ZSWIM5: variants seen among roughly 807,000 people sequenced by gnomAD.
The protein encoded by ZSWIM5 is zinc finger SWIM domain-containing protein 5.
In ZSWIM5, 55 loss-of-function variants were observed where a neutral mutation model predicts 119.6. That is an observed-to-expected ratio of 0.46 (90% CI 0.37 to 0.58). The LOEUF is 0.58. Among genes scored for constraint, ZSWIM5 ranks in the 20% least tolerant of loss-of-function variants. ZSWIM5 has a pLI of 0.00. For missense variants in ZSWIM5, 1,193 were observed against 1,512.8 expected (o/e 0.79, Z 3.51); for synonymous variants, 537 against 606.9 (o/e 0.88, Z 1.69).
intron 1 of ZSWIM5, among the ~76,000 whole-genome samples, chr1:45,200,269 A>G (rs912043176): frequency 6.6e-6 from 1 of 152,214 alleles, no homozygotes; most frequent in Non-Finnish European, 1.5e-5. Context: ...AATTTAGCGT[A>G]TAATCACATA....
chr1:45,167,457 G>C (rs577466519), intron 1 of ZSWIM5, among the ~76,000 whole-genome samples: 15,874 of 151,360 alleles, frequency 0.1, 934 homozygotes, highest in African/African-American at 0.15. Flanking sequence ...GGCAACAAAA[G>C]CCAAAATTGA....
At chr1:45,199,997 T>G (rs911676642) in intron 1 of ZSWIM5, among the ~76,000 whole-genome samples, 72 of 152,192 alleles carry the variant, frequency 4.7e-4, no homozygotes, top group African/African-American at 1.6e-3. Flanking sequence ...TGTAATGCTT[T>G]AAAAATCAGA....
In ZSWIM5 at chr1:45,088,583, G is replaced by T. The variant is rs1174252756; in HGVS notation, c.596-346C>A. ...AATAAGGAATCCTAAATAAGTTAAG[G>T]ACCCCTGTAGTAGATTTTCAGCTCT... On this transcript the variant is annotated intron_variant, in intron 1 of 13. Coordinates refer to ENST00000359600, the MANE Select transcript of ZSWIM5 (RefSeq NM_020883.2). This position sits in a 1 kb window ranked among gnomAD's most constrained non-coding sequence, Gnocchi z 4.2. Among the ~76,000 whole-genome samples, 1 of 152,056 alleles carries T rather than the reference G, an allele frequency of 6.6e-6. No homozygotes were observed. Among genetic ancestry groups the T allele is most frequent in the Non-Finnish European group, 1.5e-5 (1 of 68,012 alleles).
At position 45,188,733 on chromosome 1, in the gene ZSWIM5, G is replaced by C. The variant is rs1646074027; in HGVS notation, c.595+17023C>G. ...GGCAGCCTAGACGTCAAAACAGAGA[G>C]AAGATAGCCTCCCTAATAAAAACAA... On this transcript the variant is annotated intron_variant, in intron 1 of 13. Transcript: ENST00000359600. 3.3e-5 allele frequency among the ~76,000 whole-genome samples: 5 copies of C among 152,186 alleles called. No homozygotes were observed. In the South Asian group the frequency reaches 1.0e-3, roughly 32 times the overall value.
intron 1 of ZSWIM5, among the ~76,000 whole-genome samples, chr1:45,092,538 A>ACT (rs1645373218): frequency 1.7e-5 from 1 of 57,404 alleles, no homozygotes; most frequent in East Asian, 5.5e-4. Context: ...CTCGTGATCC[A>ACT]CCCCCCCCCC....
At chr1:45,159,577 G>C (rs1645850657) in intron 1 of ZSWIM5, among the ~76,000 whole-genome samples, 1 of 151,994 alleles carries the variant, frequency 6.6e-6, no homozygotes, top group South Asian at 2.1e-4. Context: ...AGAGGTTATT[G>C]AGATATGATT....
At chr1:45,182,138 C>T (rs1195859882) in intron 1 of ZSWIM5, among the ~76,000 whole-genome samples, 8 of 152,078 alleles carry the variant, frequency 5.3e-5, no homozygotes, top group African/African-American at 9.7e-5. Flanking sequence ...CAGACTGGGC[C>T]GGGCGCGGTG....
chr1:45,035,861 G>A lies in ZSWIM5; in HGVS notation c.2156-38C>T, dbSNP rs1219247990. The stretch of plus-strand genomic sequence containing the variant: ...AAGCCAGCCAGTTATTTATCTGTAT[G>A]CTTCCATCTGCCAGCCTGGACTTGA... On this transcript the variant is annotated intron_variant, in intron 9 of 13. Coordinates refer to ENST00000359600, the MANE Select transcript of ZSWIM5 (RefSeq NM_020883.2). 1.9e-6 allele frequency: 3 copies of A among 1,606,524 alleles called. No homozygotes were observed. The African/African-American group carries it at 4.0e-5, about 22-fold the overall frequency.
intron 1 of ZSWIM5, among the ~76,000 whole-genome samples, chr1:45,199,022 T>C (rs1646142287): frequency 6.6e-6 from 1 of 152,212 alleles, no homozygotes; most frequent in Non-Finnish European, 1.5e-5. Flanking sequence ...ATAAAGGACA[T>C]TGTTTTCCAA....
chr1:45,046,120 C>A (rs756152890), intron 5 of ZSWIM5, among the ~76,000 whole-genome samples: 2 of 151,840 alleles, frequency 1.3e-5, no homozygotes, highest in Non-Finnish European at 2.9e-5. Flanking sequence ...GCCATGTAGA[C>A]CATGAGAAAA....
At chr1:45,101,661 A>C (rs1645440382) in intron 1 of ZSWIM5, among the ~76,000 whole-genome samples, 1 of 152,238 alleles carries the variant, frequency 6.6e-6, no homozygotes, top group Non-Finnish European at 1.5e-5. Context: ...TCAGTGATAG[A>C]CTGGATTAAG....
rs548104885 is a variant in ZSWIM5, at chr1:45,052,033, C to T, written c.1253-780G>A. Reference sequence around the variant, plus strand: ...TTTTTTTTTGAGACAAAGTCTCGCTCTTGCCCCCCAAGCTGGAGTGAGATG... The same window carrying T: ...TTTTTTTTTGAGACAAAGTCTCGCTTTTGCCCCCCAAGCTGGAGTGAGATG... On this transcript the variant is annotated intron_variant, in intron 4 of 13. Transcript: ENST00000359600. Among the ~76,000 whole-genome samples, 17 of 144,978 alleles carry T rather than the reference C, an allele frequency of 1.2e-4. No homozygotes were observed. The South Asian group carries it at 1.5e-3, about 13-fold the overall frequency.
intron 1 of ZSWIM5, among the ~76,000 whole-genome samples, chr1:45,140,731 G>GAGATGGATA (rs1270288665): frequency 6.6e-6 from 1 of 152,186 alleles, no homozygotes; most frequent in Non-Finnish European, 1.5e-5. Flanking sequence ...TAAGCTTCTA[G>GAGATGGATA]AGATGGATAA....
chr1:45,152,068 G>A (rs139523450), intron 1 of ZSWIM5, among the ~76,000 whole-genome samples: 70 of 152,316 alleles, frequency 4.6e-4, no homozygotes, highest in African/African-American at 1.6e-3. Context: ...AATGTCTGGG[G>A]AGGTAGGTAA....
intron 5 of ZSWIM5, 71 bp from the exon 6 acceptor site, chr1:45,043,466 G>C (rs757790522): frequency 1.2e-5 from 18 of 1,491,554 alleles, no homozygotes; most frequent in Non-Finnish European, 1.6e-5. Context: ...GTCTTCTTCA[G>C]GGTGGGAGGT....
intron 8 of ZSWIM5, 143 bp from the exon 9 acceptor site, chr1:45,036,442 C>A: frequency 8.3e-7 from 1 of 1,207,080 alleles, no homozygotes; most frequent in East Asian, 2.6e-5. Flanking sequence ...GCAGCCTCCG[C>A]CTCCCCGGTT....
In ZSWIM5 at chr1:45,057,764, G is replaced by A. The variant is rs1645131014; in HGVS notation, c.1252+845C>T. Among the ~76,000 whole-genome samples the A allele has an allele frequency of 6.6e-6, 1 of 152,336 alleles. No homozygotes were observed. The highest frequency in any genetic ancestry group is 6.5e-5 in the Admixed American group (1 of 15,300). On this transcript the variant is annotated intron_variant, in intron 4 of 13. Coordinates refer to ENST00000359600, the MANE Select transcript of ZSWIM5 (RefSeq NM_020883.2). This position sits in a 1 kb window ranked among gnomAD's most constrained non-coding sequence, Gnocchi z 4.7. ...AAAACTGGTCTTAGAGCAAGGGAAT[G>A]CTAAAGAGAAATGATGGCCACAGAG...
At position 45,161,105 on chromosome 1, in the gene ZSWIM5, T is replaced by C. The variant is rs1275272588; in HGVS notation, c.595+44651A>G. Among the ~76,000 whole-genome samples the C allele has an allele frequency of 4.0e-5, 6 of 151,688 alleles. No homozygotes were observed. The South Asian group carries it at 6.2e-4, about 16-fold the overall frequency. On this transcript the variant is annotated intron_variant, in intron 1 of 13. Coordinates refer to ENST00000359600, the MANE Select transcript of ZSWIM5 (RefSeq NM_020883.2). ...TCCCAAAGTGCTGGGAGTAAAGGCA[T>C]GAGCCACCGTGCCTGGCCTATATAC...
At chr1:45,148,440 G>A (rs947965077) in intron 1 of ZSWIM5, among the ~76,000 whole-genome samples, 1 of 151,698 alleles carries the variant, frequency 6.6e-6, no homozygotes, top group South Asian at 2.1e-4. Flanking sequence ...TGCAAAAAAG[G>A]TCATCAAAAT....
Sources: allele counts gnomAD v4.1 joint callset (sites outside exome capture counted in the v4.1 genomes callset), GRCh38; gene constraint gnomAD v4.1.1; non-coding constraint Gnocchi (gnomAD v3.1); transcripts MANE v1.5; gene names NCBI Gene and HGNC (gene_info 2026-07-23, HGNC 2026-07-21).